Variants in ATP9A observed in about 807,000 individuals in gnomAD.
The protein encoded by ATP9A is probable phospholipid-transporting ATPase IIA.
A neutral mutation model predicts 144.1 loss-of-function variants in ATP9A; 52 were observed. The ratio of observed to expected loss-of-function variants is 0.36; its 90% confidence interval spans 0.29 to 0.45. ATP9A has a LOEUF of 0.45. ATP9A is among the 20% of genes least tolerant of loss of function. The pLI is 1.00. For missense variants in ATP9A, 947 were observed against 1,392.7 expected (o/e 0.68, Z 5.09); for synonymous variants, 582 against 557.4 (o/e 1.04, Z -0.62).
At chr20:51,744,498 T>C (rs2077799238) in intron 1 of ATP9A, among the ~76,000 whole-genome samples, 1 of 152,190 alleles carries the variant, frequency 6.6e-6, no homozygotes, top group African/African-American at 2.4e-5. Flanking sequence ...AAATTGATTT[T>C]CTTAGGATTT....
At chr20:51,666,988 T>C (rs769542318) in intron 13 of ATP9A, among the ~76,000 whole-genome samples, 43 of 152,138 alleles carry the variant, frequency 2.8e-4, no homozygotes, top group Admixed American at 5.9e-4. Context: ...GAGAGAAAGA[T>C]GCACACACTC....
intron 1 of ATP9A, among the ~76,000 whole-genome samples, chr20:51,748,666 A>G (rs2077818302): frequency 6.6e-6 from 1 of 152,212 alleles, no homozygotes; most frequent in African/African-American, 2.4e-5. Context: ...GGACATTTTG[A>G]CGATGCTATC....
At chr20:51,651,038 G>A (rs1412481809) in intron 14 of ATP9A, among the ~76,000 whole-genome samples, 1 of 149,902 alleles carries the variant, frequency 6.7e-6, no homozygotes, top group Non-Finnish European at 1.5e-5. Flanking sequence ...GAGTGCAGTG[G>A]TGCAATCTCG....
In ATP9A at chr20:51,596,611, T is replaced by C. The variant is rs894203807; in HGVS notation, c.*4600A>G. 6.6e-6 allele frequency: 1 copy of C among 152,224 alleles called. No individual in the cohort carries two copies. The highest frequency in any genetic ancestry group is 1.5e-5 in the Non-Finnish European group (1 of 68,044). The allele number at this position is 152,224 out of a possible 1,614,324, so 9.4% of individuals were successfully genotyped here. A position where few individuals can be genotyped will look rare whatever the true frequency, so the allele number is the denominator to read the frequency against. The stretch of plus-strand genomic sequence containing the variant: ...AAATAATAAATAACATGCATTGATT[T>C]GGGGTTTTTTTTGCCAAAATCAAAA... On this transcript the variant is annotated 3_prime_UTR_variant, in exon 28 of 28. Transcript: ENST00000338821.
chr20:51,696,211 GCTTC>G, intron 5 of ATP9A, 67 bp from the exon 6 acceptor site: 3 of 1,494,838 alleles, frequency 2.0e-6, no homozygotes, highest in Non-Finnish European at 2.8e-6. Context: ...GGGGAGGGGG[GCTTC>G]CGCCCCCACC....
At chr20:51,702,682 G>GA (rs920688701) in intron 4 of ATP9A, among the ~76,000 whole-genome samples, 21 of 152,100 alleles carry the variant, frequency 1.4e-4, no homozygotes, top group African/African-American at 4.8e-4. Flanking sequence ...CTCCCAGAAT[G>GA]AAAAAATCGG....
intron 18 of ATP9A, among the ~76,000 whole-genome samples, chr20:51,624,786 A>C (rs1233155321): frequency 6.6e-6 from 1 of 152,034 alleles, no homozygotes; most frequent in Non-Finnish European, 1.5e-5. Context: ...CAGACAGATC[A>C]CCTGAGGTCA....
chr20:51,653,458 T>C (rs754275402), intron 14 of ATP9A, among the ~76,000 whole-genome samples: 42 of 152,246 alleles, frequency 2.8e-4, no homozygotes, highest in Non-Finnish European at 2.4e-4. Context: ...CAGGCAGGAC[T>C]TGCTTCTCAG....
chr20:51,651,898 C>G (rs560228229), intron 14 of ATP9A, among the ~76,000 whole-genome samples: 1 of 152,054 alleles, frequency 6.6e-6, no homozygotes, highest in South Asian at 2.1e-4. Flanking sequence ...CACTGGGCGA[C>G]AGAGCAAGAC....
At chr20:51,706,608 G>T (rs1601117194) in intron 4 of ATP9A, among the ~76,000 whole-genome samples, 1 of 152,284 alleles carries the variant, frequency 6.6e-6, no homozygotes, top group South Asian at 2.1e-4. Context: ...AAGTTAGCCA[G>T]GTATAGTGAC....
Position 51,673,413 on chromosome 20 carries a change from C to A in ATP9A, c.1037+740G>T, listed in dbSNP as rs376587469. Among the ~76,000 whole-genome samples, 15 of 152,238 alleles carry A rather than the reference C, an allele frequency of 9.9e-5. 2 individuals are homozygous for A. The highest frequency in any genetic ancestry group is 6.5e-5 in the Admixed American group (1 of 15,286). ...AAATAAATAACCATTTATTCAACCT[C>A]CAAATCAGGTAGGCAAAGGACTGGC... On this transcript the variant is annotated intron_variant, in intron 11 of 27. Coordinates refer to ENST00000338821, the MANE Select transcript of ATP9A (RefSeq NM_006045.3).
In ATP9A at chr20:51,713,167, G is replaced by A. The variant is rs545079388; in HGVS notation, c.328-93C>T. The A allele has an allele frequency of 1.7e-4, 184 of 1,097,116 alleles. No homozygotes were observed. The South Asian group carries it at 2.3e-3, about 14-fold the overall frequency. The allele number at this position is 1,097,116 out of a possible 1,614,324, so 68.0% of individuals were successfully genotyped here. A position where few individuals can be genotyped will look rare whatever the true frequency, so the allele number is the denominator to read the frequency against. The stretch of plus-strand genomic sequence containing the variant: ...CTGGTGCCAGGGGCAGGAAAGGCGA[G>A]AGGTCACTTGGGAGGGCAGGGGGGC... On this transcript the variant is annotated intron_variant, in intron 3 of 27. Transcript: ENST00000338821.
rs1341334015 is a variant in ATP9A, at chr20:51,653,525, CCT to C, written c.1506+3411_1506+3412del. Among the ~76,000 whole-genome samples the C allele has an allele frequency of 2.0e-5, 3 of 152,276 alleles. No individual in the cohort carries two copies. The East Asian group carries it at 5.8e-4, about 29-fold the overall frequency. On this transcript the variant is annotated intron_variant, in intron 14 of 27. Transcript: ENST00000338821. ...AATTCCGCTGGGTGCGGTGGTTACG[CCT>C]GTAACCCCAGCACTTTAGGAGGCTG...
chr20:51,637,394 AG>A (rs1231489892), intron 15 of ATP9A, among the ~76,000 whole-genome samples: 1 of 149,578 alleles, frequency 6.7e-6, no homozygotes, highest in African/African-American at 2.4e-5. Flanking sequence ...ACCGTGTGCC[AG>A]GCAGGAAAGC....
intron 14 of ATP9A, among the ~76,000 whole-genome samples, chr20:51,648,117 C>G (rs2077349118): frequency 6.6e-6 from 1 of 152,210 alleles, no homozygotes; most frequent in East Asian, 1.9e-4. Context: ...CTCATTCATG[C>G]ACACATCTGA....
chr20:51,626,505 A>AG (rs1196830516), intron 17 of ATP9A, among the ~76,000 whole-genome samples: 3 of 151,640 alleles, frequency 2.0e-5, no homozygotes, highest in East Asian at 1.9e-4. Flanking sequence ...AAAAAAAAAA[A>AG]AAAGAAAAGA....
intron 1 of ATP9A, among the ~76,000 whole-genome samples, chr20:51,733,889 G>A (rs1460564243): frequency 6.6e-6 from 1 of 151,502 alleles, no homozygotes. Context: ...GTCCAGGGTG[G>A]TCTCAAACAC....
At chr20:51,725,552 C>T (rs2077708570) in intron 3 of ATP9A, among the ~76,000 whole-genome samples, 1 of 152,176 alleles carries the variant, frequency 6.6e-6, no homozygotes, top group Non-Finnish European at 1.5e-5. Flanking sequence ...ATACAATAAA[C>T]ATACAATAAA....
intron 13 of ATP9A, among the ~76,000 whole-genome samples, chr20:51,667,501 G>T (rs1568811448): frequency 6.6e-6 from 1 of 152,178 alleles, no homozygotes; most frequent in Non-Finnish European, 1.5e-5. Context: ...GTGGCTCCGA[G>T]GGAAGGGTCT....
Sources: allele counts gnomAD v4.1 joint callset (sites outside exome capture counted in the v4.1 genomes callset), GRCh38; gene constraint gnomAD v4.1.1; transcripts MANE v1.5; gene names NCBI Gene and HGNC (gene_info 2026-07-23, HGNC 2026-07-21).